The following TRAK1 variants were observed in gnomAD, a reference collection of about 807,000 sequenced individuals.
TRAK1 encodes trafficking kinesin-binding protein 1.
In TRAK1, 33 loss-of-function variants were observed where a neutral mutation model predicts 92.1. That is an observed-to-expected ratio of 0.36 (90% CI 0.27 to 0.48). TRAK1 has a LOEUF of 0.48. Ranked by LOEUF, TRAK1 falls within the 20% of genes least tolerant of loss-of-function variation. TRAK1 has a pLI of 0.99. For missense variants in TRAK1, 1,123 were observed against 1,257.9 expected, an observed-to-expected ratio of 0.89 and a Z score of 1.62; for synonymous variants, 521 against 517.3, an observed-to-expected ratio of 1.01 and a Z score of -0.10.
intron 2 of TRAK1, among the ~76,000 whole-genome samples, chr3:42,142,200 C>G (rs9851827): frequency 0.48 from 73,694 of 151,996 alleles, 18,156 homozygotes; most frequent in South Asian, 0.61. Flanking sequence ...TCCACCTTCA[C>G]AGCTTCCAGG....
intron 2 of TRAK1, among the ~76,000 whole-genome samples, chr3:42,126,192 T>A (rs186026500): frequency 9.1e-4 from 139 of 152,194 alleles, no homozygotes; most frequent in Middle Eastern, 3.4e-3. Flanking sequence ...ATGTTCCTAT[T>A]TCTATTTCTT....
At chr3:42,123,563 C>T (rs1257183915) in intron 1 of TRAK1, among the ~76,000 whole-genome samples, 1 of 152,242 alleles carries the variant, frequency 6.6e-6, no homozygotes, top group Non-Finnish European at 1.5e-5. Flanking sequence ...CACGCATGTG[C>T]GAGTGAATGC....
rs181096144 is a variant in TRAK1 at position 42,217,514 on chromosome 3, C to T, written c.1964-1980C>T. On this transcript the variant is annotated intron_variant, in intron 14 of 15. Coordinates refer to ENST00000327628, the MANE Select transcript of TRAK1 (RefSeq NM_001042646.3). ...CTACGTCTCTAAAATGTCCATCTTA[C>T]ACTCCCTATTGCAATTGAAGATCCA... 21 of 985,396 alleles carry T rather than the reference C, an allele frequency of 2.1e-5. No homozygotes were observed. In the East Asian group the frequency reaches 4.5e-4, roughly 21 times the overall value. The allele number at this position is 985,396 out of a possible 1,614,324, so 61.0% of individuals were successfully genotyped here.
intron 1 of TRAK1, among the ~76,000 whole-genome samples, chr3:42,050,183 G>A (rs1330793226): frequency 7.0e-6 from 1 of 143,536 alleles, no homozygotes; most frequent in African/African-American, 2.5e-5. Flanking sequence ...GGAACTGAGG[G>A]TGGGGGGGTG....
In TRAK1 at chr3:42,027,246, G is replaced by A. The variant is rs564699040; in HGVS notation, c.-519+13129G>A. Among the ~76,000 whole-genome samples, 22 of 152,216 alleles carry A rather than the reference G, an allele frequency of 1.4e-4. No individual in the cohort carries two copies. The South Asian group carries it at 1.7e-3, about 11-fold the overall frequency. On this transcript the variant is annotated intron_variant, in intron 1 of 16. Transcript: ENST00000487159. ...ACATTTTCAGAAAAGCTTTTTGGCC[G>A]GGCGTGGTGGCTCACGCCTGTAATC...
At chr3:42,132,084 A>G (rs1697277290) in intron 2 of TRAK1, among the ~76,000 whole-genome samples, 2 of 152,046 alleles carry the variant, frequency 1.3e-5, no homozygotes. Flanking sequence ...AAGAAAAAGG[A>G]AAAAACCAGC....
At chr3:42,114,690 T>C (rs1708932987) in intron 1 of TRAK1, among the ~76,000 whole-genome samples, 1 of 152,180 alleles carries the variant, frequency 6.6e-6, no homozygotes, top group Admixed American at 6.5e-5. Context: ...TATTTGATAA[T>C]TGTAGCATGT....
At chr3:42,213,576 C>T (rs900596170) in intron 14 of TRAK1, among the ~76,000 whole-genome samples, 9 of 152,326 alleles carry the variant, frequency 5.9e-5, no homozygotes, top group Admixed American at 2.0e-4. Context: ...AGGAGCCAGG[C>T]GGAGTCAGGC....
chr3:42,179,684 C>T (rs1013818827), intron 3 of TRAK1, among the ~76,000 whole-genome samples: 3 of 152,156 alleles, frequency 2.0e-5, no homozygotes, highest in African/African-American at 7.2e-5. Flanking sequence ...GGCTGAGACT[C>T]AAGTTACAGT....
At chr3:42,035,793 ATTCAGAGCGTTTTCAGTT>A in intron 1 of TRAK1, among the ~76,000 whole-genome samples, 1 of 152,346 alleles carries the variant, frequency 6.6e-6, no homozygotes, top group African/African-American at 2.4e-5. Context: ...TGCTAAAGCC[ATTCAGAGCGTTTTCAGTT>A]TTCTAATGGG....
intron 1 of TRAK1, among the ~76,000 whole-genome samples, chr3:42,067,372 T>C (rs1703722758): frequency 6.6e-6 from 1 of 152,218 alleles, no homozygotes; most frequent in African/African-American, 2.4e-5. Flanking sequence ...AGTGGCTGTG[T>C]CCGGGCTGAG....
chr3:42,149,534 C>CT, intron 2 of TRAK1: 3 of 1,536,120 alleles, frequency 2.0e-6, no homozygotes, highest in Non-Finnish European at 2.6e-6. Flanking sequence ...AGACTACTGA[C>CT]TATGCAGAAA....
chr3:42,040,741 G>A (rs1343902816), intron 1 of TRAK1, among the ~76,000 whole-genome samples: 6 of 151,034 alleles, frequency 4.0e-5, no homozygotes, highest in East Asian at 1.9e-4. Flanking sequence ...GCAGTGGCAC[G>A]GATCTCGGCT....
At chr3:42,029,696 C>T (rs1393436942) in intron 1 of TRAK1, among the ~76,000 whole-genome samples, 3 of 151,818 alleles carry the variant, frequency 2.0e-5, no homozygotes, top group East Asian at 1.9e-4. Context: ...ATTACAGGTG[C>T]GTGCCACCAT....
intron 2 of TRAK1, among the ~76,000 whole-genome samples, chr3:42,132,024 G>A (rs1018806412): frequency 3.3e-5 from 5 of 151,732 alleles, no homozygotes; most frequent in African/African-American, 9.7e-5. Flanking sequence ...AGCCAAGATC[G>A]TGCCACTGCA....
At chr3:42,091,213 A>G (rs1252460678), upstream of TRAK1, 3 of 458,912 alleles carry the variant, frequency 6.5e-6, no homozygotes, top group Non-Finnish European at 1.1e-5. Flanking sequence ...ACCTAGAGGT[A>G]TCACATTTTT....
At chr3:42,160,377 A>G (rs765400946) in intron 2 of TRAK1, 4 of 1,614,186 alleles carry the variant, frequency 2.5e-6, no homozygotes, top group Non-Finnish European at 3.4e-6. Context: ...CCTGCGAGAC[A>G]AGGGCGGGGA....
Position 42,223,734 on chromosome 3 carries a change from G to T in TRAK1, c.2859G>T (p.Arg953=), listed in dbSNP as rs557184376. The T allele has an allele frequency of 8.7e-6, 14 of 1,601,548 alleles. No individual in the cohort carries two copies. The highest frequency in any genetic ancestry group is 1.7e-5 in the Admixed American group (1 of 59,680). ...GAKLSKQTSL[R] is the part of the protein sequence containing the mutation. ...AGCTCTCCAAACAAACTAGCTTACGGTGAGGACTGGAGGGGGGCCGGTTGC... is the reference window on the plus strand; with the variant it reads ...AGCTCTCCAAACAAACTAGCTTACGTTGAGGACTGGAGGGGGGCCGGTTGC... Residue 953 remains arginine (R), a synonymous_variant, in exon 16 of 16, where the codon CGG becomes CGT. Transcript: ENST00000327628. The surrounding 1 kb of genome is among the most constrained non-coding windows in gnomAD (Gnocchi z 6.1).
chr3:42,161,938 T>A (rs1390984549), intron 2 of TRAK1, among the ~76,000 whole-genome samples: 1 of 152,210 alleles, frequency 6.6e-6, no homozygotes, highest in Non-Finnish European at 1.5e-5. Flanking sequence ...TTAGCTGGAT[T>A]AGCTTCCTGC....
Sources: gnomAD v4.1 joint callset for allele counts (sites outside exome capture counted in the v4.1 genomes callset) on GRCh38, gnomAD v4.1.1 for gene constraint, Gnocchi (gnomAD v3.1) non-coding constraint, MANE v1.5 for transcripts, NCBI Gene and HGNC (gene_info 2026-07-23, HGNC 2026-07-21) for gene names.